ZC3H14: variants seen among roughly 807,000 people sequenced by gnomAD.
ZC3H14 encodes zinc finger CCCH-type containing 14.
In ZC3H14, 31 loss-of-function variants were observed where a neutral mutation model predicts 92.4. The observed-to-expected ratio is 0.34, with a 90% CI of 0.25 to 0.45. The LOEUF is 0.45. ZC3H14 is among the 20% of genes least tolerant of loss of function. The probability of loss-of-function intolerance (pLI) is 1.00; values close to 1 mark genes in which losing one functional copy is unlikely to be tolerated. For synonymous variants in ZC3H14, 321 were observed against 300.9 expected (o/e 1.07, Z -0.69); for missense variants, 781 against 897.3 (o/e 0.87, Z 1.66).
intron 2 of ZC3H14, among the ~76,000 whole-genome samples, chr14:88,564,840 GA>G (rs2079361751): frequency 6.6e-6 from 1 of 152,174 alleles, no homozygotes; most frequent in South Asian, 2.1e-4. Flanking sequence ...ATTGTATACT[GA>G]AATACGATTG....
In ZC3H14 at chr14:88,620,687, G is replaced by A; in HGVS notation, c.*8936G>A. ...GACCTCTTTTTGAAGGCAAGGCTAT[G>A]GAAAATTTTACAAATGGAAGTTAAA... On this transcript the variant is annotated 3_prime_UTR_variant, in exon 17 of 17. Coordinates refer to ENST00000251038, the MANE Select transcript of ZC3H14 (RefSeq NM_024824.5). The surrounding 1 kb of genome is among the most constrained non-coding windows in gnomAD (Gnocchi z 4.3). 7 of 1,365,602 alleles carry A rather than the reference G, an allele frequency of 5.1e-6. No individual in the cohort carries two copies. The highest frequency in any genetic ancestry group is 6.7e-6 in the Non-Finnish European group (7 of 1,047,548). The allele number at this position is 1,365,602 out of a possible 1,614,324, so 84.6% of individuals were successfully genotyped here. A position where few individuals can be genotyped will look rare whatever the true frequency, so the allele number is the denominator to read the frequency against.
Position 88,606,723 on chromosome 14 carries a change from G to T in ZC3H14, c.1748-520G>T, listed in dbSNP as rs1002105764. Among the ~76,000 whole-genome samples the T allele has an allele frequency of 2.0e-5, 3 of 148,140 alleles. No homozygotes were observed. In the South Asian group the frequency reaches 6.6e-4, roughly 32 times the overall value. ...CTGGCACACCACTGTACTCCATCCT[G>T]GGTGACAGAGCAGGACCCTGTCGTA... On this transcript the variant is annotated intron_variant, in intron 12 of 16. Transcript: ENST00000251038.
At chr14:88,576,072 A>G in intron 8 of ZC3H14, 132 bp downstream of exon 8, 2 of 783,412 alleles carry the variant, frequency 2.6e-6, no homozygotes, top group South Asian at 3.5e-5. Flanking sequence ...AGGTTCCCAT[A>G]TAGAAAAATG....
At chr14:88,596,883 G>C in intron 10 of ZC3H14, 75 bp downstream of exon 10, 3 of 1,232,976 alleles carry the variant, frequency 2.4e-6, no homozygotes, top group Non-Finnish European at 3.6e-6. Flanking sequence ...CCCATTTAAC[G>C]TATCTCGGAT....
rs541781758 is a variant in ZC3H14 at position 88,621,745 on chromosome 14, C to T, written c.*9994C>T. 5.8e-6 allele frequency: 2 copies of T among 342,364 alleles called. No individual in the cohort carries two copies. The highest frequency in any genetic ancestry group is 4.8e-5 in the South Asian group (2 of 41,540). 21.2% of individuals were successfully genotyped at this position (342,364 alleles called of 1,614,324 possible). On this transcript the variant is annotated 3_prime_UTR_variant, in exon 17 of 17. Coordinates refer to ENST00000251038, the MANE Select transcript of ZC3H14 (RefSeq NM_024824.5). ...AATACACTTAATAAGTACAAACACGCTCAAAAATTTTCATAGGAGTTGTAG... is the reference window on the plus strand; with the variant it reads ...AATACACTTAATAAGTACAAACACGTTCAAAAATTTTCATAGGAGTTGTAG...
Position 88,572,890 on chromosome 14 carries a change from T to C in ZC3H14, c.744T>C (p.Asp248=), listed in dbSNP as rs144601125. The C allele has an allele frequency of 2.3e-3, 3,714 of 1,614,192 alleles. 9 individuals are homozygous for C. The highest frequency in any genetic ancestry group is 3.0e-3 in the Non-Finnish European group (3,507 of 1,180,044). ...GTATTCATGCTGCCAAGCAGCTTGA[T>C]ATGCAGAGTAGTTGGGTATATGAAA... ...QNSIHAAKQL[D]MQSSWVYETG... Residue 248 remains aspartate (D), a synonymous_variant, in exon 6 of 17, where the codon GAT becomes GAC. Coordinates refer to ENST00000251038, the MANE Select transcript of ZC3H14 (RefSeq NM_024824.5).
At chr14:88,582,099 C>T (rs2081974694) in intron 9 of ZC3H14, among the ~76,000 whole-genome samples, 1 of 152,126 alleles carries the variant, frequency 6.6e-6, no homozygotes, top group Non-Finnish European at 1.5e-5. Context: ...CCTAAAATAG[C>T]CTAAAAGATT....
At chr14:88,586,363 G>A (rs901830530) in intron 9 of ZC3H14, among the ~76,000 whole-genome samples, 32 of 152,196 alleles carry the variant, frequency 2.1e-4, no homozygotes, top group African/African-American at 7.2e-4. Context: ...ACTGAAACAT[G>A]TCTGTTGGCA....
intron 2 of ZC3H14, among the ~76,000 whole-genome samples, chr14:88,567,529 T>A (rs2079860489): frequency 2.6e-5 from 4 of 152,260 alleles, no homozygotes; most frequent in Admixed American, 2.6e-4. Flanking sequence ...TTAAAATTGA[T>A]TTTTTTAAAT....
intron 2 of ZC3H14, among the ~76,000 whole-genome samples, chr14:88,566,849 A>G (rs2079700281): frequency 6.6e-6 from 1 of 151,658 alleles, no homozygotes; most frequent in Non-Finnish European, 1.5e-5. Context: ...GAACCCAGGA[A>G]GCAGAGCTTG....
chr14:88,587,826 C>T (rs2082636980), intron 9 of ZC3H14, among the ~76,000 whole-genome samples: 1 of 151,866 alleles, frequency 6.6e-6, no homozygotes, highest in African/African-American at 2.4e-5. Context: ...TGATGATGTG[C>T]ACCTATAGTC....
At chr14:88,610,982 T>C in intron 16 of ZC3H14, 42 bp downstream of exon 16, 1 of 1,572,994 alleles carries the variant, frequency 6.4e-7, no homozygotes, top group Non-Finnish European at 8.7e-7. Context: ...GTTCAAATTC[T>C]TTTTTCTAAT....
rs745333421 is a variant in ZC3H14, at chr14:88,596,772, G to A, written c.1318G>A (p.Asp440Asn). Reference protein sequence around the residue: ...QRQLLSRLQIDPVMAETLQMS... With the variant: ...QRQLLSRLQINPVMAETLQMS... Reference sequence around the variant, plus strand: ...GCAATTATTATCCCGACTGCAAATCGACCCAGTAATGGCAGAAACTCTGCA... The same window carrying A: ...GCAATTATTATCCCGACTGCAAATCAACCCAGTAATGGCAGAAACTCTGCA... The change falls in exon 10 of 17, where the codon GAC (aspartate) becomes AAC (asparagine). Residue 440 changes from aspartate (D) to asparagine (N), a missense_variant. This residue lies in a region of ZC3H14 where 454 missense variants were observed against 438.5 expected (regional missense o/e 1.04). Transcript: ENST00000251038. The A allele has an allele frequency of 5.6e-6, 9 of 1,613,958 alleles. No homozygotes were observed. Among genetic ancestry groups the A allele is most frequent in the Non-Finnish European group, 5.9e-6 (7 of 1,179,960 alleles).
In ZC3H14 at chr14:88,612,429, TATA is replaced by T. The variant is rs1212295177; in HGVS notation, c.*679_*681del. On this transcript the variant is annotated 3_prime_UTR_variant, in exon 17 of 17. Coordinates refer to ENST00000251038, the MANE Select transcript of ZC3H14 (RefSeq NM_024824.5). ...CAAGTGCAGAAAATAGGAACAGTTC[TATA>T]CAGTGCTCTCATTTACTAATAACAT... is the stretch of plus-strand genomic sequence containing the variant. 1 of 152,278 alleles carries T rather than the reference TATA, an allele frequency of 6.6e-6. No homozygotes were observed. Among genetic ancestry groups the T allele is most frequent in the Non-Finnish European group, 1.5e-5 (1 of 68,074 alleles). 9.4% of individuals were successfully genotyped at this position (152,278 alleles called of 1,614,324 possible). A position where few individuals can be genotyped will look rare whatever the true frequency, so the allele number is the denominator to read the frequency against.
chr14:88,615,963 CTT>C lies in ZC3H14; in HGVS notation c.*4214_*4215del. The stretch of plus-strand genomic sequence containing the variant: ...AGGTTACATGTGTAATATTTTTCCT[CTT>C]TAACTCCTTTTATTCTGTATTTGCA... On this transcript the variant is annotated 3_prime_UTR_variant, in exon 17 of 17. Coordinates refer to ENST00000251038, the MANE Select transcript of ZC3H14 (RefSeq NM_024824.5). 7.5e-7 allele frequency: 1 copy of C among 1,330,972 alleles called. No individual in the cohort carries two copies. The highest frequency in any genetic ancestry group is 1.0e-6 in the Non-Finnish European group (1 of 960,810). The allele number at this position is 1,330,972 out of a possible 1,614,324, so 82.4% of individuals were successfully genotyped here.
intron 2 of ZC3H14, among the ~76,000 whole-genome samples, chr14:88,565,606 G>A (rs570861611): frequency 7.2e-5 from 11 of 152,204 alleles, no homozygotes; most frequent in Admixed American, 5.2e-4. Flanking sequence ...TCTGGGGTGG[G>A]TCAGTGGATT....
At chr14:88,566,892 C>T (rs1458948651) in intron 2 of ZC3H14, among the ~76,000 whole-genome samples, 1 of 150,520 alleles carries the variant, frequency 6.6e-6, no homozygotes, top group African/African-American at 2.4e-5. Flanking sequence ...TACACTCCAA[C>T]CTGGGAGACA....
At chr14:88,582,725 G>A (rs2082048082) in intron 9 of ZC3H14, among the ~76,000 whole-genome samples, 1 of 152,168 alleles carries the variant, frequency 6.6e-6, no homozygotes, top group African/African-American at 2.4e-5. Flanking sequence ...TTGAAATGGT[G>A]TCAGGTACCT....
chr14:88,596,232 T>C (rs902818510), intron 9 of ZC3H14, among the ~76,000 whole-genome samples: 9 of 152,230 alleles, frequency 5.9e-5, no homozygotes, highest in African/African-American at 2.2e-4. Context: ...TTTCTTTGCA[T>C]GCATCGAAGC....
Sources: allele counts gnomAD v4.1 joint callset (sites outside exome capture counted in the v4.1 genomes callset), GRCh38; gene constraint gnomAD v4.1.1; regional missense constraint gnomAD v4.1.1; non-coding constraint Gnocchi (gnomAD v3.1); transcripts MANE v1.5; gene names NCBI Gene and HGNC (gene_info 2026-07-23, HGNC 2026-07-21).